Variants in TIAL1 observed in about 807,000 individuals in gnomAD.
TIAL1 encodes the protein TIA1 cytotoxic granule associated RNA binding protein like 1.
TIAL1 carries 7 observed loss-of-function variants against 59.7 expected under a neutral mutation model. The observed-to-expected ratio is 0.12, with a 90% confidence interval of 0.07 to 0.22. The LOEUF (loss-of-function observed/expected upper bound fraction) is 0.22, where lower values mean the gene tolerates loss of function less well. TIAL1 is among the 10% of genes least tolerant of loss of function. The pLI is 1.00. For synonymous variants in TIAL1, 149 were observed against 146.3 expected (o/e 1.02, Z -0.13); for missense variants, 225 against 462.5 (o/e 0.49, Z 4.71).
At chr10:119,586,698 C>T (rs190822924) in intron 2 of TIAL1, among the ~76,000 whole-genome samples, 2 of 152,156 alleles carry the variant, frequency 1.3e-5, no homozygotes, top group African/African-American at 2.4e-5. Flanking sequence ...CCCTTAACTC[C>T]CCTCCATCCC....
rs1326487955 is a variant in TIAL1, at chr10:119,596,457, T to C, written c.9A>G (p.Glu3=). The C allele has an allele frequency of 6.5e-7, 1 of 1,546,078 alleles. No homozygotes were observed. Among genetic ancestry groups the C allele is most frequent in the Non-Finnish European group, 8.8e-7 (1 of 1,139,684 alleles). Residue 3 remains glutamate (E), a synonymous_variant, in exon 1 of 12, where the codon GAA becomes GAG. Coordinates refer to ENST00000436547, the MANE Select transcript of TIAL1 (RefSeq NM_003252.4). MM[E]DDGQPRTLYV... The stretch of plus-strand genomic sequence containing the variant: ...ACAGAGTCCGGGGCTGCCCGTCGTC[T>C]TCCATCATGGTGGGTGCGACGGAGC...
intron 10 of TIAL1, 85 bp from the exon 11 acceptor site, chr10:119,576,835 C>G: frequency 3.9e-6 from 6 of 1,539,822 alleles, no homozygotes; most frequent in Non-Finnish European, 4.4e-6. Context: ...AAGAGAAAAA[C>G]TAAGTAAGCA....
At chr10:119,591,196 G>T (rs1461203267) in intron 1 of TIAL1, among the ~76,000 whole-genome samples, 1 of 152,004 alleles carries the variant, frequency 6.6e-6, no homozygotes, top group Non-Finnish European at 1.5e-5. Context: ...TTGAGGTCAG[G>T]AGTTCAAGAC....
chr10:119,580,426 TAAAAAATTGAAAAAGAGG>T, intron 5 of TIAL1: 1 of 837,900 alleles, frequency 1.2e-6, no homozygotes, highest in Non-Finnish European at 1.5e-6. Flanking sequence ...TATGAAATAT[TAAAAAATTGAAAAAGAGG>T]AAAAAATAGG....
chr10:119,579,847 A>C, intron 6 of TIAL1, 88 bp downstream of exon 6: 1 of 976,670 alleles, frequency 1.0e-6, no homozygotes. Flanking sequence ...TTAACATTCA[A>C]GTATATTCAA....
intron 7 of TIAL1, among the ~76,000 whole-genome samples, chr10:119,578,224 CAAAAAAAAAAA>C (rs10541595): frequency 3.5e-5 from 2 of 57,348 alleles, no homozygotes. Flanking sequence ...GACTCCACCT[CAAAAAAAAAAA>C]AAAAAAAAAA....
rs1048122298 is a variant in TIAL1, at chr10:119,574,840, G to A, written c.*825C>T. ...ACATTGCTGCTACTTCTATGTTGAA[G>A]CATGCTTTTTAAACACTGTAGTTAT... On this transcript the variant is annotated 3_prime_UTR_variant, in exon 12 of 12. Coordinates refer to ENST00000436547, the MANE Select transcript of TIAL1 (RefSeq NM_003252.4). The A allele has an allele frequency of 5.9e-5, 9 of 152,544 alleles. No homozygotes were observed. The highest frequency in any genetic ancestry group is 2.2e-4 in the African/African-American group (9 of 41,426). The allele number at this position is 152,544 out of a possible 1,614,324, so 9.4% of individuals were successfully genotyped here. A position where few individuals can be genotyped will look rare whatever the true frequency, so the allele number is the denominator to read the frequency against.
At chr10:119,584,039 T>A (rs1292682271) in intron 2 of TIAL1, among the ~76,000 whole-genome samples, 1 of 152,210 alleles carries the variant, frequency 6.6e-6, no homozygotes, top group Non-Finnish European at 1.5e-5. Flanking sequence ...AAAACACTGA[T>A]AATCACAGCA....
In TIAL1 at chr10:119,576,648, A is replaced by G. The variant is rs1181959941; in HGVS notation, c.964T>C (p.Tyr322His). The stretch of plus-strand genomic sequence containing the variant: ...CCTTGTTGATTCCATGGTTGCCCGT[A>G]TACTCCATAAGGCGGTACTTGCCAC... ...NGWQVPPYGVYGQPWNQQGFG... is the reference protein window; with the variant it reads ...NGWQVPPYGVHGQPWNQQGFG... Residue 322 changes from tyrosine to histidine, a missense_variant, in exon 11 of 12, where the codon TAC becomes CAC. Tyr to His is a moderately conservative substitution (Grantham distance 83, BLOSUM62 2). Around this residue, in one of 4 missense-constraint regions of TIAL1, gnomAD observed 68 missense variants for 71.3 expected, o/e 0.95. Transcript: ENST00000436547. The G allele has an allele frequency of 6.2e-7, 1 of 1,614,182 alleles. No individual in the cohort carries two copies. The highest frequency in any genetic ancestry group is 1.7e-5 in the Admixed American group (1 of 60,022).
chr10:119,594,835 G>C (rs1311956655), intron 1 of TIAL1, among the ~76,000 whole-genome samples: 9 of 152,154 alleles, frequency 5.9e-5, no homozygotes. Flanking sequence ...GTGTTGGCCA[G>C]GAAGGTCTCG....
intron 1 of TIAL1, chr10:119,593,428 G>A (rs1010995252): frequency 5.3e-6 from 5 of 949,050 alleles, no homozygotes; most frequent in African/African-American, 1.8e-5. Flanking sequence ...TAATACTGTA[G>A]GTAATGAATA....
At chr10:119,596,310 C>T (rs1374192816) in intron 1 of TIAL1, 124 bp downstream of exon 1, 4 of 1,050,580 alleles carry the variant, frequency 3.8e-6, no homozygotes, top group Non-Finnish European at 5.8e-6. Flanking sequence ...TTCGCGTCCA[C>T]GCCGCCCTGG....
In TIAL1 at chr10:119,578,807, C is replaced by T; in HGVS notation, c.475G>A (p.Gly159Ser). The change falls in exon 7 of 12, where the codon GGC becomes AGC. Residue 159 changes from glycine to serine, a missense_variant. By Grantham distance (56) the Gly-to-Ser change is moderately conservative. Coordinates refer to ENST00000436547, the MANE Select transcript of TIAL1 (RefSeq NM_003252.4). ...LDAENAIVHM[G>S]GQWLGGRQIR... ...TGACGACCACCCAACCACTGACCGC[C>T]CATATGCACAATCGCATTTTCTGCA... 6.2e-7 allele frequency: 1 copy of T among 1,614,034 alleles called. No individual in the cohort carries two copies. Among genetic ancestry groups the T allele is most frequent in the Non-Finnish European group, 8.5e-7 (1 of 1,179,982 alleles).
intron 2 of TIAL1, among the ~76,000 whole-genome samples, chr10:119,586,840 C>A (rs1308620989): frequency 6.6e-6 from 1 of 152,182 alleles, no homozygotes; most frequent in Non-Finnish European, 1.5e-5. Context: ...CATCTCAGCT[C>A]AAAGAGGTGA....
rs201461265 is a variant in TIAL1, at chr10:119,596,395, G to C, written c.32+39C>G. ...TCCCTTAGCGTCCCGCGGTGCCCGGGCCTCTTGGCGCCTGGCACCCCTCGT... is the reference window on the plus strand; with the variant it reads ...TCCCTTAGCGTCCCGCGGTGCCCGGCCCTCTTGGCGCCTGGCACCCCTCGT... On this transcript the variant is annotated intron_variant, in intron 1 of 11. Transcript: ENST00000436547. 2.2e-4 allele frequency: 359 copies of C among 1,609,734 alleles called. 3 individuals carry two copies. In the East Asian group the frequency reaches 7.9e-3, roughly 36 times the overall value.
chr10:119,581,652 T>C (rs1845313006), intron 5 of TIAL1: 1 of 279,348 alleles, frequency 3.6e-6, no homozygotes, highest in Non-Finnish European at 6.7e-6. Flanking sequence ...CATTCAAACA[T>C]CTGCTTCAAA....
In TIAL1 at chr10:119,579,945, T is replaced by C; in HGVS notation, c.437A>G (p.Tyr146Cys). The change falls in exon 6 of 12, where the codon TAT becomes TGT. Residue 146 changes from tyrosine to cysteine, a missense_variant. This residue lies in a region of TIAL1 where 38 missense variants were observed against 173.0 expected (regional missense o/e 0.22). Coordinates refer to ENST00000436547, the MANE Select transcript of TIAL1 (RefSeq NM_003252.4). ...GATGGAAGAACGTACCAGTTTGTTA[T>C]AAAAAGATACAAAACCATAGCCTTT... ...KSKGYGFVSF[Y>C]NKLDAENAIV... 2 of 1,603,668 alleles carry C rather than the reference T, an allele frequency of 1.2e-6. No homozygotes were observed. The highest frequency in any genetic ancestry group is 1.7e-6 in the Non-Finnish European group (2 of 1,176,410).
rs1313442663 is a variant in TIAL1, at chr10:119,579,937, G to A, written c.445C>T (p.Leu149=). Residue 149 remains leucine (L), a splice_region_variant and synonymous_variant, in exon 6 of 12, where the codon CTG becomes TTG. Coordinates refer to ENST00000436547, the MANE Select transcript of TIAL1 (RefSeq NM_003252.4). ...GYGFVSFYNK[L]DAENAIVHMG... ...TAAATTGAGATGGAAGAACGTACCA[G>A]TTTGTTATAAAAAGATACAAAACCA... 6.3e-7 allele frequency: 1 copy of A among 1,595,980 alleles called. No homozygotes were observed. Among genetic ancestry groups the A allele is most frequent in the Non-Finnish European group, 8.5e-7 (1 of 1,173,204 alleles).
In TIAL1 at chr10:119,574,212, C is replaced by T. The variant is rs1311728615; in HGVS notation, c.*1453G>A. On this transcript the variant is annotated 3_prime_UTR_variant, in exon 12 of 12. Transcript: ENST00000436547. ...TTTTACCCACACAGCCTGAAAAATA[C>T]CTTGAAAGCAAACCTCGGTCTTCTG... The T allele has an allele frequency of 6.6e-6, 1 of 152,482 alleles. No homozygotes were observed. The highest frequency in any genetic ancestry group is 1.9e-4 in the East Asian group (1 of 5,194). The allele number at this position is 152,482 out of a possible 1,614,324, so 9.4% of individuals were successfully genotyped here. A position where few individuals can be genotyped will look rare whatever the true frequency, so the allele number is the denominator to read the frequency against.
Sources: gnomAD v4.1 joint callset for allele counts (sites outside exome capture counted in the v4.1 genomes callset) on GRCh38, gnomAD v4.1.1 for gene constraint, gnomAD v4.1.1 regional missense constraint, MANE v1.5 for transcripts, NCBI Gene and HGNC (gene_info 2026-07-23, HGNC 2026-07-21) for gene names.